Variants in ERCC1 observed in about 807,000 individuals in gnomAD.
ERCC1 encodes DNA excision repair protein ERCC-1.
Under a neutral mutation model 37.6 loss-of-function variants are expected in ERCC1, and 36 were observed. The observed-to-expected ratio is 0.96, with a 90% CI of 0.73 to 1.26. ERCC1 has a LOEUF of 1.26. Ranked by LOEUF, ERCC1 falls within the 50% of genes most tolerant of loss-of-function variation. The probability of loss-of-function intolerance (pLI) is 0.00; values close to 1 mark genes in which losing one functional copy is unlikely to be tolerated. For synonymous variants in ERCC1, 156 were observed against 162.1 expected (o/e 0.96, Z 0.28); for missense variants, 349 against 376.5 (o/e 0.93, Z 0.60).
chr19:45,415,635 C>CAAAAAAA (rs913880423), intron 6 of ERCC1, among the ~76,000 whole-genome samples: 1 of 46,724 alleles, frequency 2.1e-5, no homozygotes, highest in African/African-American at 8.0e-5. Flanking sequence ...GACTCCGTCT[C>CAAAAAAA]AAAAAAAAAA....
At chr19:45,423,965 G>A, upstream of ERCC1, 1 of 1,074,276 alleles carries the variant, frequency 9.3e-7, no homozygotes, top group Non-Finnish European at 1.1e-6. Context: ...AGAGCAGGGC[G>A]ATCTCTGTAC....
In ERCC1 at chr19:45,448,776, TAGAAAGACCCCCCACCCCGCCCC is replaced by T. The variant is rs560337176; in HGVS notation, c.-7-25418_-7-25396del. 7.9e-5 allele frequency among the ~76,000 whole-genome samples: 12 copies of T among 152,106 alleles called. No individual in the cohort carries two copies. In the South Asian group the frequency reaches 2.5e-3, roughly 32 times the overall value. ...AAAGACAAAAAGCTATTTGGGGGCC[TAGAAAGACCCCCCACCCCGCCCC>T]AGGAGAGATGTATTTTCTTTTGAAG... is the stretch of plus-strand genomic sequence containing the variant. On this transcript the variant is annotated intron_variant, in intron 1 of 8. Coordinates refer to the ERCC1 transcript ENST00000423698.
At chr19:45,434,169 A>C (rs1974912322) in intron 1 of ERCC1, among the ~76,000 whole-genome samples, 2 of 147,864 alleles carry the variant, frequency 1.4e-5, no homozygotes, top group South Asian at 2.2e-4. Flanking sequence ...AAAAAAAAAA[A>C]AAAAAAAGAG....
chr19:45,449,572 G>A (rs1397791091), intron 1 of ERCC1, among the ~76,000 whole-genome samples: 4 of 152,074 alleles, frequency 2.6e-5, no homozygotes, highest in Non-Finnish European at 5.9e-5. Flanking sequence ...AGGCTGAGGC[G>A]GGAGGATTGC....
At position 45,416,847 on chromosome 19, in the gene ERCC1, G is replaced by C. The variant is rs766545486; in HGVS notation, c.576C>G (p.Ala192=). The change falls in exon 6 of 10, where the codon GCC becomes GCG. Residue 192 remains alanine (A), a synonymous_variant. Coordinates refer to ENST00000300853, the MANE Select transcript of ERCC1 (RefSeq NM_001983.4). ...TCCAGGCGAGGATCAATGTGCAGTC[G>C]GCCAGGATACACATCTTAGCCAGCT... ...LKELAKMCIL[A]DCTLILAWSP... is the part of the protein sequence containing the mutation. 1.1e-5 allele frequency: 17 copies of C among 1,613,492 alleles called. No homozygotes were observed. The South Asian group carries it at 1.8e-4, about 17-fold the overall frequency.
At chr19:45,416,990 G>C (rs1179182349) in intron 5 of ERCC1, 93 bp from the exon 6 acceptor site, 3 of 886,966 alleles carry the variant, frequency 3.4e-6, no homozygotes, top group East Asian at 2.5e-5. Context: ...CCAGCTACTA[G>C]GGAAGCTGAG....
rs544748650 is a variant in ERCC1 at position 45,407,439 on chromosome 19, T to G, written c.*2236A>C. 26 of 548,858 alleles carry G rather than the reference T, an allele frequency of 4.7e-5. No homozygotes were observed. In the South Asian group the frequency reaches 5.5e-4, roughly 12 times the overall value. 34.0% of individuals were successfully genotyped at this position (548,858 alleles called of 1,614,324 possible). On this transcript the variant is annotated 3_prime_UTR_variant, in exon 10 of 10. Coordinates refer to ENST00000300853, the MANE Select transcript of ERCC1 (RefSeq NM_001983.4). The stretch of plus-strand genomic sequence containing the variant: ...AGCCCTTTGTTAGTATTTCTACTTA[T>G]AAGAAACTATAAGGAACTATAGTTA...
chr19:45,447,270 C>CTTTTTTT (rs57063523), intron 1 of ERCC1, among the ~76,000 whole-genome samples: 1 of 102,750 alleles, frequency 9.7e-6, no homozygotes, highest in Admixed American at 1.0e-4. Flanking sequence ...AGATTTGCTT[C>CTTTTTTT]TTTTTTTTTT....
At chr19:45,448,863 C>T (rs1319746081) in intron 1 of ERCC1, among the ~76,000 whole-genome samples, 1 of 151,968 alleles carries the variant, frequency 6.6e-6, no homozygotes, top group Non-Finnish European at 1.5e-5. Context: ...TTTAATAGGC[C>T]CTACTTCCCA....
chr19:45,418,811 G>A (rs1011283720), intron 5 of ERCC1, among the ~76,000 whole-genome samples: 8 of 152,108 alleles, frequency 5.3e-5, no homozygotes, highest in African/African-American at 1.4e-4. Flanking sequence ...CAACAAGAGC[G>A]AAACTCCGTC....
intron 1 of ERCC1, among the ~76,000 whole-genome samples, chr19:45,441,564 G>A (rs559450717): frequency 2.0e-5 from 3 of 152,200 alleles, no homozygotes; most frequent in South Asian, 2.1e-4. Context: ...TTGTAGAGAC[G>A]GGGTTTTACT....
intron 1 of ERCC1, among the ~76,000 whole-genome samples, chr19:45,433,729 A>G (rs1365760012): frequency 6.6e-6 from 1 of 152,032 alleles, no homozygotes; most frequent in Non-Finnish European, 1.5e-5. Flanking sequence ...ACAATCATAC[A>G]AACCTGATTA....
chr19:45,412,107 C>T (rs1973778404), intron 9 of ERCC1, among the ~76,000 whole-genome samples: 1 of 151,992 alleles, frequency 6.6e-6, no homozygotes, highest in Non-Finnish European at 1.5e-5. Flanking sequence ...GATCCACCCG[C>T]CTCGGCCTCC....
chr19:45,413,521 C>T (rs1285733998), intron 9 of ERCC1, 156 bp downstream of exon 9: 5 of 1,563,988 alleles, frequency 3.2e-6, no homozygotes, highest in Admixed American at 3.3e-5. Context: ...AGCAGTCCTC[C>T]CGCCTTGGCC....
In ERCC1 at chr19:45,423,837, G is replaced by T; in HGVS notation, c.-64C>A. 8.8e-7 allele frequency: 1 copy of T among 1,137,520 alleles called. No individual in the cohort carries two copies. 70.5% of individuals were successfully genotyped at this position (1,137,520 alleles called of 1,614,324 possible). ...CGAGGCCTCACCTGCTGGTCTTGGA[G>T]CCTCAAGGGAAAGACTGCAGAGGGA... On this transcript the variant is annotated 5_prime_UTR_variant, in exon 1 of 10. Coordinates refer to ENST00000300853, the MANE Select transcript of ERCC1 (RefSeq NM_001983.4).
At chr19:45,412,616 G>A (rs1973810955) in intron 9 of ERCC1, among the ~76,000 whole-genome samples, 1 of 152,084 alleles carries the variant, frequency 6.6e-6, no homozygotes, top group Admixed American at 6.6e-5. Context: ...AGAGTTGTTA[G>A]AACTCTTATC....
At chr19:45,429,561 A>C (rs1181420130) in intron 1 of ERCC1, among the ~76,000 whole-genome samples, 1 of 152,070 alleles carries the variant, frequency 6.6e-6, no homozygotes, top group African/African-American at 2.4e-5. Context: ...CCAGATATAC[A>C]CACTTGTTTC....
At chr19:45,434,209 C>T (rs1174861151) in intron 1 of ERCC1, among the ~76,000 whole-genome samples, 1 of 143,080 alleles carries the variant, frequency 7.0e-6, no homozygotes, top group Non-Finnish European at 1.5e-5. Flanking sequence ...GTCCATGTGC[C>T]CTGGCTCACA....
chr19:45,408,725 A>G lies in ERCC1; in HGVS notation c.*950T>C. 1.2e-6 allele frequency: 2 copies of G among 1,613,968 alleles called. No homozygotes were observed. The highest frequency in any genetic ancestry group is 1.7e-6 in the Non-Finnish European group (2 of 1,179,990). ...GCTGTTCCCGTCCACCACCAAGAAG[A>G]GGAAGAAGCCCAAAGGGAAAGAAAC... On this transcript the variant is annotated 3_prime_UTR_variant, in exon 10 of 10. Coordinates refer to ENST00000300853, the MANE Select transcript of ERCC1 (RefSeq NM_001983.4).
Sources: allele counts gnomAD v4.1 joint callset (sites outside exome capture counted in the v4.1 genomes callset), GRCh38; gene constraint gnomAD v4.1.1; transcripts MANE v1.5; gene names NCBI Gene and HGNC (gene_info 2026-07-23, HGNC 2026-07-21).